Variants in RANBP2 observed in about 807,000 individuals in gnomAD.
The protein encoded by RANBP2 is E3 SUMO-protein ligase RanBP2.
RANBP2 carries 57 observed loss-of-function variants against 303.6 expected under a neutral mutation model. That is an observed-to-expected ratio of 0.19 (90% CI 0.15 to 0.23). The LOEUF (loss-of-function observed/expected upper bound fraction) is 0.23, where lower values mean the gene tolerates loss of function less well. RANBP2 is among the 10% of genes least tolerant of loss of function. The probability of loss-of-function intolerance (pLI) is 1.00; values close to 1 mark genes in which losing one functional copy is unlikely to be tolerated. For synonymous variants in RANBP2, 1,167 were observed against 1,301.5 expected (o/e 0.90, Z 2.23); for missense variants, 3,138 against 3,780.8 (o/e 0.83, Z 4.46).
At chr2:109,574,639 G>A in the RANBP2 span, 26 of 1,603,232 alleles carry the variant, frequency 1.6e-5, no homozygotes, top group African/African-American at 1.3e-4. Context: ...GTGGCCTGTC[G>A]GTGAAATGAA....
At chr2:109,323,886 G>C in the RANBP2 span, among the ~76,000 whole-genome samples, 3 of 152,228 alleles carry the variant, frequency 2.0e-5, no homozygotes, top group Non-Finnish European at 4.4e-5. Flanking sequence ...TGACAGAGCT[G>C]TGCAACCACC....
chr2:108,779,385 G>A (rs1218465299), intron 25 of RANBP2, among the ~76,000 whole-genome samples: 1 of 151,390 alleles, frequency 6.6e-6, no homozygotes, highest in African/African-American at 2.4e-5. Flanking sequence ...GGCTTGTCTC[G>A]AACTCCTGAC....
the RANBP2 span, among the ~76,000 whole-genome samples, chr2:109,464,126 GTTTC>G: frequency 6.6e-6 from 1 of 152,182 alleles, no homozygotes; most frequent in Non-Finnish European, 1.5e-5. Context: ...GGATCATTCA[GTTTC>G]TTCTAAAATA....
the RANBP2 span, among the ~76,000 whole-genome samples, chr2:108,955,540 G>A: frequency 1.3e-5 from 2 of 151,940 alleles, no homozygotes; most frequent in African/African-American, 2.4e-5. Context: ...CTGAGGTCAG[G>A]GGTTTGAGAC....
At chr2:109,181,283 ATATCT>A in the RANBP2 span, among the ~76,000 whole-genome samples, 12 of 152,222 alleles carry the variant, frequency 7.9e-5, no homozygotes, top group Non-Finnish European at 1.6e-4. Flanking sequence ...ACTAATGTTG[ATATCT>A]TATGCTACCA....
chr2:109,516,912 TAGGGTGGGCAGCATGGCCCCCAG>T, the RANBP2 span, among the ~76,000 whole-genome samples: 7 of 152,146 alleles, frequency 4.6e-5, no homozygotes, highest in Non-Finnish European at 1.0e-4. Context: ...ATGCCAGAGG[TAGGGTGGGCAGCATGGCCCCCAG>T]AATTCCTGGC....
chr2:109,350,300 G>T, the RANBP2 span, among the ~76,000 whole-genome samples: 1 of 152,172 alleles, frequency 6.6e-6, no homozygotes, highest in Admixed American at 6.5e-5. Context: ...CGCCAGCCAC[G>T]GGAGGCCCAG....
the RANBP2 span, among the ~76,000 whole-genome samples, chr2:109,219,514 A>G: frequency 8.5e-5 from 13 of 152,210 alleles, no homozygotes; most frequent in Non-Finnish European, 1.8e-4. Flanking sequence ...AAGTAAAATT[A>G]TCTCTGTTTG....
the RANBP2 span, among the ~76,000 whole-genome samples, chr2:108,900,593 C>G: frequency 6.7e-6 from 1 of 150,302 alleles, no homozygotes; most frequent in Non-Finnish European, 1.5e-5. Context: ...CAAACCAAAC[C>G]AAAACAAAAA....
chr2:109,247,342 G>A, the RANBP2 span, among the ~76,000 whole-genome samples: 3 of 152,160 alleles, frequency 2.0e-5, no homozygotes, highest in African/African-American at 4.8e-5. Flanking sequence ...GCCCCTCCCT[G>A]AACTTCGTTA....
chr2:108,765,137 A>G lies in RANBP2; in HGVS notation c.4598A>G (p.Lys1533Arg), dbSNP rs1191781254. 1.5e-5 allele frequency: 24 copies of G among 1,614,036 alleles called. No homozygotes were observed. Among genetic ancestry groups the G allele is most frequent in the Non-Finnish European group, 1.8e-5 (21 of 1,180,002 alleles). Reference sequence around the variant, plus strand: ...ACTTCAGAGACAAGTAAAACTCTAAAAAGTGGATTTGAAGACATGTTTGCT... The same window carrying G: ...ACTTCAGAGACAAGTAAAACTCTAAGAAGTGGATTTGAAGACATGTTTGCT... ...FGTSETSKTLKSGFEDMFAKK... is the reference protein window; with the variant it reads ...FGTSETSKTLRSGFEDMFAKK... Residue 1533 changes from lysine (K) to arginine (R), a missense_variant, in exon 20 of 29, where the codon AAA (lysine) becomes AGA (arginine). By Grantham distance (26) the Lys-to-Arg change is conservative. Around this residue, in one of 20 missense-constraint regions of RANBP2, gnomAD observed 388 missense variants for 328.5 expected, o/e 1.18. Transcript: ENST00000283195.
chr2:109,626,143 C>G, the RANBP2 span, among the ~76,000 whole-genome samples: 3 of 152,110 alleles, frequency 2.0e-5, no homozygotes, highest in African/African-American at 7.2e-5. Flanking sequence ...TTTGTTGTTT[C>G]TTGAACTCAT....
the RANBP2 span, among the ~76,000 whole-genome samples, chr2:108,793,134 G>T: frequency 6.7e-6 from 1 of 150,320 alleles, no homozygotes; most frequent in Non-Finnish European, 1.5e-5. Context: ...GAGGTGGGCG[G>T]ATCACGAGGT....
chr2:109,472,351 C>T, the RANBP2 span, among the ~76,000 whole-genome samples: 1 of 141,032 alleles, frequency 7.1e-6, no homozygotes. Context: ...TGGTCTCGGG[C>T]CGGTGTGCAT....
chr2:109,172,440 T>TA, the RANBP2 span, among the ~76,000 whole-genome samples: 64 of 152,348 alleles, frequency 4.2e-4, no homozygotes, highest in African/African-American at 1.5e-3. Context: ...AACATTAAAA[T>TA]ACGTTTATTG....
At chr2:109,192,743 G>T in the RANBP2 span, among the ~76,000 whole-genome samples, 7 of 152,174 alleles carry the variant, frequency 4.6e-5, no homozygotes, top group Non-Finnish European at 8.8e-5. Flanking sequence ...AGTCCCTGGG[G>T]CTTCCAGTGC....
the RANBP2 span, among the ~76,000 whole-genome samples, chr2:109,682,629 G>A: frequency 2.2e-3 from 339 of 152,194 alleles, no homozygotes; most frequent in African/African-American, 7.6e-3. Flanking sequence ...CTCTGGCCCC[G>A]TCCCTTTGTT....
chr2:109,129,049 C>T, the RANBP2 span: 1 of 414,310 alleles, frequency 2.4e-6, no homozygotes, highest in Admixed American at 2.7e-5. Flanking sequence ...GACTAGCGAG[C>T]AGGCCAGGGG....
At chr2:108,777,004 CAG>C (rs766229865) in intron 24 of RANBP2, 124 bp from the exon 25 acceptor site, 5 of 762,538 alleles carry the variant, frequency 6.6e-6, no homozygotes, top group African/African-American at 3.5e-5. Context: ...TGTAACTTGA[CAG>C]AATTTAAATA....
Sources: gnomAD v4.1 joint callset for allele counts (sites outside exome capture counted in the v4.1 genomes callset) on GRCh38, gnomAD v4.1.1 for gene constraint, gnomAD v4.1.1 regional missense constraint, MANE v1.5 for transcripts, NCBI Gene and HGNC (gene_info 2026-07-23, HGNC 2026-07-21) for gene names.